The following TRMT1L variants were observed in gnomAD, a reference collection of about 807,000 sequenced individuals.
TRMT1L encodes tRNA methyltransferase 1L.
In TRMT1L, 28 loss-of-function variants were observed where a neutral mutation model predicts 81.6. The observed-to-expected ratio is 0.34, with a 90% CI of 0.25 to 0.47. The LOEUF (loss-of-function observed/expected upper bound fraction) is 0.47. TRMT1L is among the 20% of genes least tolerant of loss of function. TRMT1L has a pLI of 1.00. For synonymous variants in TRMT1L, 301 were observed against 303.2 expected (o/e 0.99, Z 0.07); for missense variants, 739 against 877.1 (o/e 0.84, Z 1.99).
At chr1:185,124,428 G>T (rs761888682) in intron 12 of TRMT1L, among the ~76,000 whole-genome samples, 2 of 151,508 alleles carry the variant, frequency 1.3e-5, no homozygotes, top group Non-Finnish European at 2.9e-5. Context: ...AGGGCATGGT[G>T]GTTCATGCCT....
At chr1:185,143,092 G>A (rs1653092775) in intron 7 of TRMT1L, among the ~76,000 whole-genome samples, 1 of 151,950 alleles carries the variant, frequency 6.6e-6, no homozygotes, top group African/African-American at 2.4e-5. Context: ...TCAAATTAAT[G>A]GATATCAAAA....
At chr1:185,137,465 A>C (rs1478347809) in intron 10 of TRMT1L, 141 bp downstream of exon 10, 2 of 867,866 alleles carry the variant, frequency 2.3e-6, no homozygotes, top group Non-Finnish European at 3.8e-6. Context: ...CTGTTGACGA[A>C]AGGAAATCCA....
intron 10 of TRMT1L, among the ~76,000 whole-genome samples, chr1:185,136,254 C>A (rs1327749040): frequency 1.3e-5 from 2 of 151,828 alleles, no homozygotes; most frequent in Non-Finnish European, 2.9e-5. Context: ...ACTAAAAATA[C>A]AAAAAGTAGC....
intron 10 of TRMT1L, 64 bp downstream of exon 10, chr1:185,137,542 G>T: frequency 1.4e-6 from 2 of 1,423,874 alleles, no homozygotes; most frequent in Non-Finnish European, 2.0e-6. Flanking sequence ...GTATAATTAG[G>T]TATGTGATAA....
chr1:185,156,385 T>C (rs1653566022), intron 1 of TRMT1L, 93 bp downstream of exon 1: 4 of 1,611,858 alleles, frequency 2.5e-6, no homozygotes, highest in South Asian at 1.1e-5. Context: ...CCTTGCCCCA[T>C]AAAAACCATC....
chr1:185,131,342 G>A (rs962924478), intron 10 of TRMT1L, among the ~76,000 whole-genome samples: 5 of 151,918 alleles, frequency 3.3e-5, no homozygotes, highest in South Asian at 2.1e-4. Flanking sequence ...GTGGACAACC[G>A]AAGACCACAA....
In TRMT1L at chr1:185,140,073, TCTTTTC is replaced by T; in HGVS notation, c.1003_1008del (p.Glu335_Lys336del). 3.1e-6 allele frequency: 5 copies of T among 1,613,806 alleles called. No individual in the cohort carries two copies. Among genetic ancestry groups the T allele is most frequent in the Admixed American group, 1.7e-5 (1 of 60,022 alleles). ...TCTCCTTCTTCAAGAATATCATCACTCTTTTCCTTTTCCTTACTGTCCACCACCACT... is the reference window on the plus strand; with the variant it reads ...TCTCCTTCTTCAAGAATATCATCACTCTTTTCCTTACTGTCCACCACCACT... On this transcript the variant is annotated inframe_deletion, in exon 8 of 15. Transcript: ENST00000367506.
rs766099997 is a variant in TRMT1L at position 185,125,100 on chromosome 1, G to A, written c.1603C>T (p.Leu535Phe). 65 of 1,604,668 alleles carry A rather than the reference G, an allele frequency of 4.1e-5. No individual in the cohort carries two copies. The highest frequency in any genetic ancestry group is 5.4e-5 in the Non-Finnish European group (64 of 1,175,262). Residue 535 changes from leucine (L) to phenylalanine (F), a missense_variant, in exon 12 of 15, where the codon CTT (leucine) becomes TTT (phenylalanine). Physicochemically the swap from Leu to Phe is conservative, Grantham distance 22. Transcript: ENST00000367506. The part of the protein sequence containing the change: ...IELGPLWSSS[L>F]FNTGFLKRML... ...CTTTTGAGGAATCCAGTATTGAAAA[G>A]GGAACTTGACCTGAAAAGAAAAGAA...
intron 10 of TRMT1L, among the ~76,000 whole-genome samples, chr1:185,129,566 C>G (rs1440802615): frequency 1.3e-5 from 2 of 152,172 alleles, no homozygotes; most frequent in Admixed American, 1.3e-4. Flanking sequence ...CCACTCCAGG[C>G]CATTCCTGGG....
chr1:185,140,093 T>A lies in TRMT1L; in HGVS notation c.989A>T (p.Asp330Val). 1 of 1,613,856 alleles carries A rather than the reference T, an allele frequency of 6.2e-7. No homozygotes were observed. The highest frequency in any genetic ancestry group is 1.1e-5 in the South Asian group (1 of 91,082). Residue 330 changes from aspartate to valine, a missense_variant, in exon 8 of 15, where the codon GAC becomes GTC. Physicochemically the swap from Asp to Val is radical, Grantham distance 152. Around this residue, in one of 4 missense-constraint regions of TRMT1L, gnomAD observed 331 missense variants for 462.2 expected, o/e 0.72. Coordinates refer to ENST00000367506, the MANE Select transcript of TRMT1L (RefSeq NM_030934.5). ...ATCACTCTTTTCCTTTTCCTTACTGTCCACCACCACTTTCAATTTGTTTAA... is the reference window on the plus strand; with the variant it reads ...ATCACTCTTTTCCTTTTCCTTACTGACCACCACCACTTTCAATTTGTTTAA... ...CHLNKLKVVV[D>V]SKEKEKSDDI...
chr1:185,128,102 G>A (rs528177508), intron 11 of TRMT1L, among the ~76,000 whole-genome samples: 14 of 152,032 alleles, frequency 9.2e-5, no homozygotes, highest in Non-Finnish European at 1.6e-4. Context: ...TGACAAGAGC[G>A]GGACTCTGTC....
chr1:185,134,197 T>G (rs943379175), intron 10 of TRMT1L, among the ~76,000 whole-genome samples: 2 of 152,146 alleles, frequency 1.3e-5, no homozygotes, highest in African/African-American at 4.8e-5. Flanking sequence ...TTCTTTCTTT[T>G]TTTGAGAGGG....
At chr1:185,135,767 AG>A (rs1214746829) in intron 10 of TRMT1L, among the ~76,000 whole-genome samples, 5 of 152,148 alleles carry the variant, frequency 3.3e-5, no homozygotes, top group Non-Finnish European at 5.9e-5. Context: ...GTAAACTGAT[AG>A]ATCAAAGCCC....
chr1:185,155,574 A>G (rs1399003538), intron 1 of TRMT1L, among the ~76,000 whole-genome samples: 1 of 152,226 alleles, frequency 6.6e-6, no homozygotes, highest in African/African-American at 2.4e-5. Flanking sequence ...CTGGCCTAGA[A>G]GTAGAAAAAA....
chr1:185,149,281 G>T (rs1653270940), intron 3 of TRMT1L, among the ~76,000 whole-genome samples: 1 of 150,080 alleles, frequency 6.7e-6, no homozygotes, highest in East Asian at 1.9e-4. Context: ...ATTTATCCGT[G>T]CCTGTTGATT....
intron 4 of TRMT1L, among the ~76,000 whole-genome samples, chr1:185,145,901 T>TA (rs137891975): frequency 0.013 from 1,921 of 152,004 alleles, 41 homozygotes; most frequent in African/African-American, 0.044. Flanking sequence ...TCCAGGAAAA[T>TA]AAAGCCCTGA....
chr1:185,147,127 T>C, intron 4 of TRMT1L, 55 bp downstream of exon 4: 1 of 1,279,418 alleles, frequency 7.8e-7, no homozygotes, highest in Non-Finnish European at 1.1e-6. Flanking sequence ...GTAAAAATTA[T>C]GCTTTCTTTA....
In TRMT1L at chr1:185,139,437, C is replaced by T. The variant is rs1439566929; in HGVS notation, c.1252G>A (p.Gly418Arg). The T allele has an allele frequency of 3.7e-6, 6 of 1,613,992 alleles. No homozygotes were observed. Among genetic ancestry groups the T allele is most frequent in the Admixed American group, 3.3e-5 (2 of 60,002 alleles). The change falls in exon 9 of 15, where the codon GGA becomes AGA. Residue 418 changes from glycine (G) to arginine (R), a missense_variant. Physicochemically the swap from Gly to Arg is moderately radical, Grantham distance 125. This residue lies in a region of TRMT1L where 331 missense variants were observed against 462.2 expected (regional missense o/e 0.72). Transcript: ENST00000367506. ...TATTCAGTTCGGACAATGTTACATCCGTAGTGACGCCGGGCAACATGCTGT... is the reference window on the plus strand; with the variant it reads ...TATTCAGTTCGGACAATGTTACATCTGTAGTGACGCCGGGCAACATGCTGT... Reference protein sequence around the residue: ...KAQHVARRHYGCNIVRTEYYK... With the variant: ...KAQHVARRHYRCNIVRTEYYK...
At chr1:185,129,365 T>G (rs1387365011) in intron 10 of TRMT1L, among the ~76,000 whole-genome samples, 2 of 152,192 alleles carry the variant, frequency 1.3e-5, no homozygotes, top group Non-Finnish European at 2.9e-5. Context: ...GCCTTCAAAA[T>G]GTAGGCTAGA....
Sources: allele counts gnomAD v4.1 joint callset (sites outside exome capture counted in the v4.1 genomes callset), GRCh38; gene constraint gnomAD v4.1.1; regional missense constraint gnomAD v4.1.1; transcripts MANE v1.5; gene names NCBI Gene and HGNC (gene_info 2026-07-23, HGNC 2026-07-21).